PIK3C2G: variants seen among roughly 807,000 people sequenced by gnomAD.
PIK3C2G encodes the protein phosphatidylinositol 3-kinase C2 domain-containing subunit gamma.
In PIK3C2G, 168 loss-of-function variants were observed where a neutral mutation model predicts 181.1. The observed-to-expected ratio is 0.93, with a 90% CI of 0.82 to 1.05. The LOEUF (loss-of-function observed/expected upper bound fraction) is 1.05. PIK3C2G is among the 50% of genes least tolerant of loss of function. PIK3C2G has a pLI of 0.00. For missense variants in PIK3C2G, 1,869 were observed against 1,732.8 expected (o/e 1.08, Z -1.40); for synonymous variants, 573 against 592.2 (o/e 0.97, Z 0.47).
At chr12:18,309,060 T>C (rs991948545) in intron 5 of PIK3C2G, among the ~76,000 whole-genome samples, 1 of 151,782 alleles carries the variant, frequency 6.6e-6, no homozygotes, top group Admixed American at 6.6e-5. Context: ...CAGATAATTG[T>C]GAACATCTTT....
chr12:18,257,571 G>A (rs1948157835), upstream of PIK3C2G, among the ~76,000 whole-genome samples: 1 of 151,622 alleles, frequency 6.6e-6, no homozygotes, highest in African/African-American at 2.4e-5. Flanking sequence ...GGGAAGTGAA[G>A]AATAGATACT....
At chr12:18,406,476 T>C (rs916966816) in intron 16 of PIK3C2G, among the ~76,000 whole-genome samples, 2 of 152,234 alleles carry the variant, frequency 1.3e-5, no homozygotes, top group South Asian at 4.2e-4. Context: ...TAGGGAGATA[T>C]AAATGGTGCC....
At position 18,354,619 on chromosome 12, in the gene PIK3C2G, G is replaced by A. The variant is rs146528161; in HGVS notation, c.1625+7783G>A. ...TCCAACTGCCAGATGATATCAAAATGAATGGTTCCCTCCTGAGGCCAAGCC... is the reference window on the plus strand; with the variant it reads ...TCCAACTGCCAGATGATATCAAAATAAATGGTTCCCTCCTGAGGCCAAGCC... On this transcript the variant is annotated intron_variant, in intron 11 of 32. Coordinates refer to ENST00000538779, the MANE Select transcript of PIK3C2G (RefSeq NM_001288772.2). 4.2e-3 allele frequency among the ~76,000 whole-genome samples: 635 copies of A among 152,302 alleles called. 1 individual carries two copies. Among genetic ancestry groups the A allele is most frequent in the African/African-American group, 0.014 (593 of 41,568 alleles).
At chr12:18,582,753 C>A (rs1264035588) in intron 29 of PIK3C2G, among the ~76,000 whole-genome samples, 1 of 152,014 alleles carries the variant, frequency 6.6e-6, no homozygotes, top group Admixed American at 6.5e-5. Context: ...TGTTTTGCAG[C>A]CTTAGCAGTT....
chr12:18,253,755 A>G lies in PIK3C2G; in HGVS notation c.-79+5673A>G, dbSNP rs1229137739. On this transcript the variant is annotated intron_variant, in intron 1 of 11. Coordinates refer to the PIK3C2G transcript ENST00000535651. ...AAGTAATTCCAGCTTGATCATCACT[A>G]TCTCTTATGTTCTATATTCTAATTA... Among the ~76,000 whole-genome samples the G allele has an allele frequency of 2.0e-5, 3 of 152,184 alleles. No individual in the cohort carries two copies. In the East Asian group the frequency reaches 5.8e-4, roughly 29 times the overall value.
intron 8 of PIK3C2G, among the ~76,000 whole-genome samples, chr12:18,337,614 GA>G: frequency 6.6e-6 from 1 of 152,194 alleles, no homozygotes; most frequent in South Asian, 2.1e-4. Flanking sequence ...CACGTGGCGA[GA>G]GCTGGAGCAG....
chr12:18,667,114 A>G, the PIK3C2G span, among the ~76,000 whole-genome samples: 1 of 152,194 alleles, frequency 6.6e-6, no homozygotes. Context: ...GAGAATGAAA[A>G]TAAAGGCATT....
intron 31 of PIK3C2G, among the ~76,000 whole-genome samples, chr12:18,630,115 G>A (rs1198382070): frequency 6.6e-6 from 1 of 152,020 alleles, no homozygotes; most frequent in Non-Finnish European, 1.5e-5. Flanking sequence ...TGAAAGTAAA[G>A]AATAAGATGA....
At chr12:18,262,431 T>C (rs1322658904) in intron 1 of PIK3C2G, among the ~76,000 whole-genome samples, 2 of 152,012 alleles carry the variant, frequency 1.3e-5, no homozygotes, top group Non-Finnish European at 2.9e-5. Flanking sequence ...TCATTAATAA[T>C]GTTATTAAGA....
At chr12:18,583,080 A>C (rs11044204) in intron 29 of PIK3C2G, among the ~76,000 whole-genome samples, 3,352 of 152,166 alleles carry the variant, frequency 0.022, 76 homozygotes, top group East Asian at 0.1. Flanking sequence ...AAGCAGCCAG[A>C]CTGCTTTTTC....
intron 20 of PIK3C2G, among the ~76,000 whole-genome samples, chr12:18,495,060 G>C (rs371338962): frequency 3.9e-5 from 6 of 152,082 alleles, no homozygotes; most frequent in African/African-American, 1.4e-4. Flanking sequence ...GGTTAGATTT[G>C]TGTTGATAGG....
intron 24 of PIK3C2G, among the ~76,000 whole-genome samples, chr12:18,526,828 T>C (rs1357760161): frequency 6.6e-6 from 1 of 152,148 alleles, no homozygotes; most frequent in Non-Finnish European, 1.5e-5. Context: ...TTTATCGATC[T>C]CATCTTCTCA....
chr12:18,356,048 C>T (rs773824253), intron 11 of PIK3C2G, among the ~76,000 whole-genome samples: 1 of 152,158 alleles, frequency 6.6e-6, no homozygotes, highest in Non-Finnish European at 1.5e-5. Context: ...GGCAAGAGGC[C>T]TTCAGTTTCC....
chr12:18,543,841 A>G (rs1449430221), intron 25 of PIK3C2G, among the ~76,000 whole-genome samples: 1 of 151,802 alleles, frequency 6.6e-6, no homozygotes, highest in Non-Finnish European at 1.5e-5. Flanking sequence ...CCAGACATTT[A>G]TTAAAATCTA....
chr12:18,487,227 GC>G lies in PIK3C2G; in HGVS notation c.2505-1221del, dbSNP rs1422446101. ...AAAAGAGGTACTAGAAGACAAGTTG[GC>G]TTCTAATAATGACAAAGGAACAGGC... On this transcript the variant is annotated intron_variant, in intron 18 of 32. Transcript: ENST00000538779. Among the ~76,000 whole-genome samples the G allele has an allele frequency of 4.0e-5, 6 of 151,436 alleles. No homozygotes were observed. In the East Asian group the frequency reaches 1.2e-3, roughly 29 times the overall value.
At chr12:18,442,967 G>A (rs1946830195) in intron 18 of PIK3C2G, among the ~76,000 whole-genome samples, 1 of 151,988 alleles carries the variant, frequency 6.6e-6, no homozygotes, top group Non-Finnish European at 1.5e-5. Flanking sequence ...CACCTCCCGG[G>A]TTCAAGAGAT....
the PIK3C2G span, among the ~76,000 whole-genome samples, chr12:18,653,815 A>T: frequency 4.6e-5 from 7 of 152,276 alleles, no homozygotes; most frequent in African/African-American, 1.4e-4. Flanking sequence ...AAAATAAAAT[A>T]TAGGAACTCT....
At position 18,519,675 on chromosome 12, in the gene PIK3C2G, G is replaced by A. The variant is rs118144261; in HGVS notation, c.3323+14214G>A. 6.9e-4 allele frequency among the ~76,000 whole-genome samples: 105 copies of A among 152,192 alleles called. 1 individual carries two copies. Among genetic ancestry groups the A allele is most frequent in the Non-Finnish European group, 5.6e-4 (38 of 68,022 alleles). Reference sequence around the variant, plus strand: ...TTGGTCTTGACTCTTTATCCAATTTGTCAGTGTGTGTCTTTTAGTTGGGAC... The same window carrying A: ...TTGGTCTTGACTCTTTATCCAATTTATCAGTGTGTGTCTTTTAGTTGGGAC... On this transcript the variant is annotated intron_variant, in intron 24 of 32. Transcript: ENST00000538779.
chr12:18,371,409 C>T lies in PIK3C2G; in HGVS notation c.1880+98C>T, dbSNP rs1310997462. 6.1e-6 allele frequency: 6 copies of T among 984,204 alleles called. No individual in the cohort carries two copies. In the East Asian group the frequency reaches 8.0e-5, roughly 13 times the overall value. 61.0% of individuals were successfully genotyped at this position (984,204 alleles called of 1,614,324 possible). A position where few individuals can be genotyped will look rare whatever the true frequency, so the allele number is the denominator to read the frequency against. On this transcript the variant is annotated intron_variant, in intron 13 of 32. Coordinates refer to ENST00000538779, the MANE Select transcript of PIK3C2G (RefSeq NM_001288772.2). Reference sequence around the variant, plus strand: ...ATATGGCATAATGAGGAAATCAAGACATTTTATTCTAAAATTGACATAGTT... The same window carrying T: ...ATATGGCATAATGAGGAAATCAAGATATTTTATTCTAAAATTGACATAGTT...
Sources: gnomAD v4.1 joint callset for allele counts (sites outside exome capture counted in the v4.1 genomes callset) on GRCh38, gnomAD v4.1.1 for gene constraint, MANE v1.5 for transcripts, NCBI Gene and HGNC (gene_info 2026-07-23, HGNC 2026-07-21) for gene names.